The following FAM120B variants were observed in gnomAD, a reference collection of about 807,000 sequenced individuals.
The protein encoded by FAM120B is family with sequence similarity 120 member B.
In FAM120B, 83 loss-of-function variants were observed where a neutral mutation model predicts 96.3. The ratio of observed to expected loss-of-function variants is 0.86; its 90% CI spans 0.72 to 1.03. FAM120B has a LOEUF of 1.03. FAM120B is among the 50% of genes least tolerant of loss of function. FAM120B has a pLI of 0.00. For synonymous variants in FAM120B, 407 were observed against 402.7 expected (o/e 1.01, Z -0.13); for missense variants, 1,027 against 1,121.2 (o/e 0.92, Z 1.20).
chr6:170,371,652 G>T (rs1789197332), intron 6 of FAM120B, among the ~76,000 whole-genome samples: 1 of 152,114 alleles, frequency 6.6e-6, no homozygotes, highest in African/African-American at 2.4e-5. Context: ...ATTAATTGAA[G>T]AAAAAAGCAA....
upstream of FAM120B, among the ~76,000 whole-genome samples, chr6:170,305,351 C>G (rs986705199): frequency 6.6e-6 from 1 of 152,206 alleles, no homozygotes; most frequent in Non-Finnish European, 1.5e-5. Flanking sequence ...GTGCTGAACA[C>G]CATTTGTTGA....
At chr6:170,375,699 T>A (rs1014016567) in intron 6 of FAM120B, among the ~76,000 whole-genome samples, 2 of 151,938 alleles carry the variant, frequency 1.3e-5, no homozygotes, top group African/African-American at 4.8e-5. Context: ...GGCAAGGAGG[T>A]CCTTCAGAGA....
At position 170,319,099 on chromosome 6, in the gene FAM120B, T is replaced by C; in HGVS notation, c.1709T>C (p.Met570Thr). 1 of 1,575,882 alleles carries C rather than the reference T, an allele frequency of 6.3e-7. No individual in the cohort carries two copies. Among genetic ancestry groups the C allele is most frequent in the Non-Finnish European group, 8.6e-7 (1 of 1,164,490 alleles). The change falls in exon 2 of 11, where the codon ATG becomes ACG. Residue 570 changes from methionine to threonine, a missense_variant. Physicochemically the swap from Met to Thr is moderately conservative, Grantham distance 81 (BLOSUM62 -1). Transcript: ENST00000476287. ...CCTGAAGTAAAGCAACAAGTAACCATGGTTTCAGACACTGAAATCTTAAAG... is the reference window on the plus strand; with the variant it reads ...CCTGAAGTAAAGCAACAAGTAACCACGGTTTCAGACACTGAAATCTTAAAG... ...VGPEVKQQVT[M>T]VSDTEILKVA...
chr6:170,322,424 G>T (rs1327868078), intron 2 of FAM120B, among the ~76,000 whole-genome samples: 1 of 152,190 alleles, frequency 6.6e-6, no homozygotes, highest in South Asian at 2.1e-4. Flanking sequence ...AAAGAGGATT[G>T]TAAAGTGGGA....
chr6:170,403,199 C>T (rs908723994), intron 9 of FAM120B, among the ~76,000 whole-genome samples: 2 of 152,148 alleles, frequency 1.3e-5, no homozygotes, highest in African/African-American at 4.8e-5. Flanking sequence ...ATTCTAATTT[C>T]AGAGATTCCA....
In FAM120B at chr6:170,388,352, G is replaced by T. The variant is rs774197650; in HGVS notation, c.2349G>T (p.Leu783=). The T allele has an allele frequency of 6.2e-7, 1 of 1,614,160 alleles. No homozygotes were observed. Among genetic ancestry groups the T allele is most frequent in the South Asian group, 1.1e-5 (1 of 91,076 alleles). The change falls in exon 7 of 11, where the codon CTG becomes CTT. Residue 783 remains leucine (L), a synonymous_variant. Coordinates refer to ENST00000476287, the MANE Select transcript of FAM120B (RefSeq NM_032448.3). ...GSLLVRGLTT[L]VLVNSACGFP... is the part of the protein sequence containing the mutation. ...TTCTCGTCCGCGGCCTCACCACTCT[G>T]GTTTTAGTCAACAGCGCATGTGGCT...
intron 1 of FAM120B, among the ~76,000 whole-genome samples, chr6:170,315,373 C>T (rs775022944): frequency 6.6e-6 from 1 of 152,202 alleles, no homozygotes; most frequent in Non-Finnish European, 1.5e-5. Flanking sequence ...TTTCCAACAC[C>T]TGTCCCCTGC....
rs554246789 is a variant in FAM120B at position 170,397,581 on chromosome 6, G to C, written c.2692+2002G>C. ...GAGACCTCATTGACCACATCCCGCAGAAATGCTCAAGGTCTGCAGACCGAC... is the reference window on the plus strand; with the variant it reads ...GAGACCTCATTGACCACATCCCGCACAAATGCTCAAGGTCTGCAGACCGAC... On this transcript the variant is annotated intron_variant, in intron 9 of 10. Transcript: ENST00000476287. Among the ~76,000 whole-genome samples the C allele has an allele frequency of 7.9e-5, 12 of 152,230 alleles. No individual in the cohort carries two copies. In the South Asian group the frequency reaches 2.3e-3, roughly 29 times the overall value.
intron 9 of FAM120B, among the ~76,000 whole-genome samples, chr6:170,400,869 G>A (rs993771781): frequency 1.1e-4 from 16 of 152,154 alleles, no homozygotes; most frequent in African/African-American, 3.9e-4. Flanking sequence ...TTCTCCCAGG[G>A]CTCCCCCAGA....
intron 6 of FAM120B, among the ~76,000 whole-genome samples, chr6:170,373,702 C>T (rs1417048967): frequency 6.6e-6 from 1 of 152,056 alleles, no homozygotes; most frequent in Non-Finnish European, 1.5e-5. Flanking sequence ...ATAAAGCTTA[C>T]GTTATAATTA....
chr6:170,382,671 C>T (rs1339408250), intron 6 of FAM120B, among the ~76,000 whole-genome samples: 2 of 152,156 alleles, frequency 1.3e-5, no homozygotes, highest in African/African-American at 2.4e-5. Context: ...AGTGGAGACA[C>T]ATACCGTGTT....
chr6:170,388,864 G>A (rs1293471127), intron 7 of FAM120B, among the ~76,000 whole-genome samples: 1 of 152,212 alleles, frequency 6.6e-6, no homozygotes, highest in Non-Finnish European at 1.5e-5. Flanking sequence ...AGAGCCTACT[G>A]TTGACCAGAA....
chr6:170,361,198 G>GTATATATATATATATATATATATATATA (rs71010657), intron 6 of FAM120B, among the ~76,000 whole-genome samples: 1 of 66,038 alleles, frequency 1.5e-5, no homozygotes, highest in Non-Finnish European at 2.8e-5. Flanking sequence ...ATATATACGT[G>GTATATATATATATATATATATATATATA]TATATATATA....
At chr6:170,382,762 C>A (rs956650281) in intron 6 of FAM120B, among the ~76,000 whole-genome samples, 24 of 152,164 alleles carry the variant, frequency 1.6e-4, no homozygotes, top group African/African-American at 5.8e-4. Flanking sequence ...GCAAAAATCC[C>A]AGCAAGGTAT....
chr6:170,369,866 A>T (rs902212243), intron 6 of FAM120B, among the ~76,000 whole-genome samples: 1 of 152,114 alleles, frequency 6.6e-6, no homozygotes, highest in Non-Finnish European at 1.5e-5. Flanking sequence ...CCTTGTAGGT[A>T]CTCAATAATT....
At chr6:170,334,113 T>C (rs911889934) in intron 4 of FAM120B, among the ~76,000 whole-genome samples, 2 of 152,230 alleles carry the variant, frequency 1.3e-5, no homozygotes, top group African/African-American at 4.8e-5. Flanking sequence ...ATTTTCAAAG[T>C]GCTGGTGGCT....
chr6:170,311,369 T>G (rs947575423), intron 1 of FAM120B, among the ~76,000 whole-genome samples: 10 of 151,944 alleles, frequency 6.6e-5, no homozygotes, highest in African/African-American at 2.4e-4. Context: ...TGAAGGTGAG[T>G]TTTTTTTCCC....
chr6:170,334,129 T>TC (rs533208826), intron 4 of FAM120B, among the ~76,000 whole-genome samples: 31 of 152,344 alleles, frequency 2.0e-4, no homozygotes, highest in Admixed American at 1.6e-3. Context: ...TGGCTTTTTT[T>TC]CTCTTCTAAG....
chr6:170,376,056 G>A (rs1046312722), intron 6 of FAM120B, among the ~76,000 whole-genome samples: 1 of 152,184 alleles, frequency 6.6e-6, no homozygotes, highest in Non-Finnish European at 1.5e-5. Flanking sequence ...TGGGACAGCA[G>A]AACTGGAGGT....
Sources: allele counts gnomAD v4.1 joint callset (sites outside exome capture counted in the v4.1 genomes callset), GRCh38; gene constraint gnomAD v4.1.1; transcripts MANE v1.5; gene names NCBI Gene and HGNC (gene_info 2026-07-23, HGNC 2026-07-21).